Variants in MBTD1 observed in about 807,000 individuals in gnomAD.
The protein encoded by MBTD1 is MBT domain-containing protein 1.
MBTD1 carries 24 observed loss-of-function variants against 87.8 expected under a neutral mutation model. That is an observed-to-expected ratio of 0.27 (90% CI 0.20 to 0.38). The LOEUF (loss-of-function observed/expected upper bound fraction) is 0.38, where lower values mean the gene tolerates loss of function less well. Among genes scored for constraint, MBTD1 ranks in the 10% least tolerant of loss-of-function variants. MBTD1 has a pLI of 1.00. For missense variants in MBTD1, 436 were observed against 760.2 expected (o/e 0.57, Z 5.02); for synonymous variants, 237 against 248.6 (o/e 0.95, Z 0.44).
In MBTD1 at chr17:51,202,774, C is replaced by A; in HGVS notation, c.990G>T (p.Trp330Cys). Reference protein sequence around the residue: ...EESEDRTDDFWCHMHSPLIHH... With the variant: ...EESEDRTDDFCCHMHSPLIHH... ...GTATTAATGGGCTGTGCATATGGCA[C>A]CAGAAGTCATCTGTTCTATCTTCGC... The change falls in exon 10 of 17, where the codon TGG becomes TGT. Residue 330 changes from tryptophan (W) to cysteine (C), a missense_variant. Trp to Cys is a radical substitution (Grantham distance 215). Around this residue, in one of 5 missense-constraint regions of MBTD1, gnomAD observed 268 missense variants for 401.8 expected, o/e 0.67. Coordinates refer to ENST00000586178, the MANE Select transcript of MBTD1 (RefSeq NM_017643.3). 6.2e-7 allele frequency: 1 copy of A among 1,614,090 alleles called. No homozygotes were observed. Among genetic ancestry groups the A allele is most frequent in the Non-Finnish European group, 8.5e-7 (1 of 1,180,000 alleles).
intron 2 of MBTD1, among the ~76,000 whole-genome samples, chr17:51,225,871 T>TG (rs2053188112): frequency 6.6e-6 from 1 of 151,770 alleles, no homozygotes; most frequent in Non-Finnish European, 1.5e-5. Flanking sequence ...CTCTGCCTCC[T>TG]GGGTTCAAGT....
At chr17:51,218,135 C>T (rs919910783) in intron 5 of MBTD1, among the ~76,000 whole-genome samples, 4 of 151,990 alleles carry the variant, frequency 2.6e-5, no homozygotes, top group Non-Finnish European at 5.9e-5. Flanking sequence ...CACTTATTGC[C>T]TCTTCTATTT....
At chr17:51,228,490 G>GAAAAAA (rs5820845) in intron 2 of MBTD1, among the ~76,000 whole-genome samples, 1 of 121,300 alleles carries the variant, frequency 8.2e-6, no homozygotes, top group East Asian at 2.2e-4. Context: ...TTCAAACCAC[G>GAAAAAA]AAAAAAAAAA....
intron 2 of MBTD1, among the ~76,000 whole-genome samples, chr17:51,237,335 A>C (rs1382643799): frequency 6.6e-6 from 1 of 151,962 alleles, no homozygotes; most frequent in Non-Finnish European, 1.5e-5. Flanking sequence ...AAAATTTCAT[A>C]AACTACATTT....
intron 6 of MBTD1, among the ~76,000 whole-genome samples, chr17:51,215,816 T>C: frequency 6.6e-6 from 1 of 152,162 alleles, no homozygotes; most frequent in Non-Finnish European, 1.5e-5. Flanking sequence ...CTGCTTGACT[T>C]TGATCAAACT....
At chr17:51,210,778 CA>C (rs2052145852) in intron 6 of MBTD1, among the ~76,000 whole-genome samples, 1 of 149,998 alleles carries the variant, frequency 6.7e-6, no homozygotes, top group Non-Finnish European at 1.5e-5. Context: ...ACAACAACAA[CA>C]ACAACAACAA....
intron 2 of MBTD1, among the ~76,000 whole-genome samples, chr17:51,236,585 AG>A (rs2053852028): frequency 6.6e-6 from 1 of 152,100 alleles, no homozygotes; most frequent in Admixed American, 6.6e-5. Context: ...CATCAAGGTT[AG>A]TCTTGTTCAT....
At chr17:51,234,188 T>G (rs985431232) in intron 2 of MBTD1, among the ~76,000 whole-genome samples, 4 of 151,636 alleles carry the variant, frequency 2.6e-5, no homozygotes, top group Admixed American at 6.6e-5. Context: ...TCGTCAGGAG[T>G]TCGAGACCAA....
At position 51,225,154 on chromosome 17, in the gene MBTD1, T is replaced by C; in HGVS notation, c.8A>G (p.Asp3Gly). MF[D>G]GYDSCSEDTS... Reference sequence around the variant, plus strand: ...GTCCTCACTGCAGCTATCATAACCGTCAAACATCCCGAAAGAATCTCTTCT... The same window carrying C: ...GTCCTCACTGCAGCTATCATAACCGCCAAACATCCCGAAAGAATCTCTTCT... The change falls in exon 3 of 17, where the codon GAC (aspartate) becomes GGC (glycine). Residue 3 changes from aspartate (D) to glycine (G), a missense_variant. By Grantham distance (94) the Asp-to-Gly change is moderately conservative. This residue lies in a region of MBTD1 where 38 missense variants were observed against 33.8 expected (regional missense o/e 1.12). Transcript: ENST00000586178. 1 of 1,544,254 alleles carries C rather than the reference T, an allele frequency of 6.5e-7. No homozygotes were observed. The highest frequency in any genetic ancestry group is 1.2e-5 in the South Asian group (1 of 82,508).
At chr17:51,229,700 A>T (rs1378752849) in intron 2 of MBTD1, among the ~76,000 whole-genome samples, 1 of 141,298 alleles carries the variant, frequency 7.1e-6, no homozygotes, top group African/African-American at 2.7e-5. Flanking sequence ...TTGCTCTGTC[A>T]CCCAGGCTGG....
chr17:51,197,150 G>A (rs71381337), intron 12 of MBTD1, among the ~76,000 whole-genome samples: 25,153 of 110,168 alleles, frequency 0.23, 2,927 homozygotes, highest in Non-Finnish European at 0.25. Context: ...TGCCCAGGCT[G>A]GAGTGCAGTG....
At chr17:51,234,937 C>G (rs545310994) in intron 2 of MBTD1, among the ~76,000 whole-genome samples, 1 of 152,040 alleles carries the variant, frequency 6.6e-6, no homozygotes, top group Non-Finnish European at 1.5e-5. Flanking sequence ...CTCAGGTGAT[C>G]TGCCCACCTT....
At chr17:51,251,690 CTATT>C (rs991356219) in intron 2 of MBTD1, 5 of 152,186 alleles carry the variant, frequency 3.3e-5, no homozygotes, top group African/African-American at 7.2e-5. Context: ...CTACAAATCT[CTATT>C]TATAGGCAGA....
At chr17:51,260,503 G>T (rs989259498), upstream of MBTD1, 5 of 1,431,416 alleles carry the variant, frequency 3.5e-6, no homozygotes, top group African/African-American at 5.8e-5. Flanking sequence ...CCGGGGCTTC[G>T]GCGGCGGCGG....
At chr17:51,224,672 G>A (rs1382924873) in intron 3 of MBTD1, among the ~76,000 whole-genome samples, 1 of 152,110 alleles carries the variant, frequency 6.6e-6, no homozygotes, top group Non-Finnish European at 1.5e-5. Flanking sequence ...AGAGGAGGGA[G>A]CCCAACCTCG....
At chr17:51,223,903 C>A (rs2053063555) in intron 3 of MBTD1, among the ~76,000 whole-genome samples, 1 of 152,156 alleles carries the variant, frequency 6.6e-6, no homozygotes, top group South Asian at 2.1e-4. Flanking sequence ...GATCCAAAGT[C>A]CTACATCTTG....
rs1568135577 is a variant in MBTD1 at position 51,179,490 on chromosome 17, A to ATATATATATATATT, written c.*1085_*1086insAATATATATATATA. The ATATATATATATATT allele has an allele frequency of 3.5e-3, 82 of 23,530 alleles. 2 individuals carry two copies. The highest frequency in any genetic ancestry group is 6.1e-3 in the Non-Finnish European group (68 of 11,150). The allele number at this position is 23,530 out of a possible 1,614,324, so 1.5% of individuals were successfully genotyped here. A position where few individuals can be genotyped will look rare whatever the true frequency, so the allele number is the denominator to read the frequency against. ...AATACAATTAAAGACAATTTTATAT[A>ATATATATATATATT]TATATATATATATATATATATATAT... On this transcript the variant is annotated 3_prime_UTR_variant, in exon 17 of 17. Coordinates refer to ENST00000586178, the MANE Select transcript of MBTD1 (RefSeq NM_017643.3).
chr17:51,244,441 A>T (rs1222037785), intron 2 of MBTD1, among the ~76,000 whole-genome samples: 2 of 152,084 alleles, frequency 1.3e-5, no homozygotes, highest in African/African-American at 4.8e-5. Flanking sequence ...TTCCTGAGAC[A>T]GTCTCCCCTT....
Position 51,202,837 on chromosome 17 carries a change from A to T in MBTD1, c.927T>A (p.Ser309Arg), listed in dbSNP as rs893905534. The change falls in exon 10 of 17, where the codon AGT becomes AGA. Residue 309 changes from serine to arginine, a missense_variant. This residue lies in a region of MBTD1 where 268 missense variants were observed against 401.8 expected (regional missense o/e 0.67). Transcript: ENST00000586178. ...LCRTRVAVVE[S>R]VIGGRLRLVY... Reference sequence around the variant, plus strand: ...CTAGTCTTAATCTTCCTCCAATTACACTTTCCACCACTGCTACTCGTGTTC... The same window carrying T: ...CTAGTCTTAATCTTCCTCCAATTACTCTTTCCACCACTGCTACTCGTGTTC... 24 of 1,613,834 alleles carry T rather than the reference A, an allele frequency of 1.5e-5. No individual in the cohort carries two copies. The highest frequency in any genetic ancestry group is 1.9e-5 in the Non-Finnish European group (23 of 1,179,964).
Sources: gnomAD v4.1 joint callset for allele counts (sites outside exome capture counted in the v4.1 genomes callset) on GRCh38, gnomAD v4.1.1 for gene constraint, gnomAD v4.1.1 regional missense constraint, MANE v1.5 for transcripts, NCBI Gene and HGNC (gene_info 2026-07-23, HGNC 2026-07-21) for gene names.